Variants in CTTNBP2 observed in about 807,000 individuals in gnomAD.
CTTNBP2 encodes cortactin-binding protein 2.
CTTNBP2 carries 108 observed loss-of-function variants against 156.9 expected under a neutral mutation model. That is an observed-to-expected ratio of 0.69 (90% confidence interval 0.59 to 0.81). The LOEUF (loss-of-function observed/expected upper bound fraction) is 0.81, where lower values mean the gene tolerates loss of function less well. CTTNBP2 is among the 30% of genes least tolerant of loss of function. The pLI, the probability that CTTNBP2 is intolerant of heterozygous loss-of-function variation, is 0.00. For missense variants in CTTNBP2, 1,924 were observed against 2,035.4 expected (o/e 0.95, Z 1.05); for synonymous variants, 767 against 751.8 (o/e 1.02, Z -0.33).
At chr7:117,761,560 A>G (rs537404706) in intron 9 of CTTNBP2, among the ~76,000 whole-genome samples, 10 of 152,332 alleles carry the variant, frequency 6.6e-5, no homozygotes, top group Admixed American at 1.3e-4. Flanking sequence ...TACTGTTCCT[A>G]TGAAAACTAA....
intron 12 of CTTNBP2, among the ~76,000 whole-genome samples, chr7:117,752,985 C>G (rs917499486): frequency 2.6e-5 from 4 of 152,076 alleles, no homozygotes; most frequent in Admixed American, 1.3e-4. Flanking sequence ...ACCTACAGAA[C>G]AGGAGAACAT....
chr7:117,748,921 C>T (rs1024798807), intron 12 of CTTNBP2, among the ~76,000 whole-genome samples: 2 of 152,188 alleles, frequency 1.3e-5, no homozygotes, highest in African/African-American at 4.8e-5. Context: ...GAACCCCTTG[C>T]CCCTTCCACC....
At chr7:117,835,367 C>T (rs1801864771) in intron 2 of CTTNBP2, among the ~76,000 whole-genome samples, 1 of 152,222 alleles carries the variant, frequency 6.6e-6, no homozygotes, top group Admixed American at 6.5e-5. Context: ...TGTGACCCAA[C>T]TTAATGTGTA....
At chr7:117,789,953 T>C (rs989954308) in intron 4 of CTTNBP2, among the ~76,000 whole-genome samples, 3 of 152,210 alleles carry the variant, frequency 2.0e-5, no homozygotes, top group South Asian at 2.1e-4. Context: ...TTCAAGTTGA[T>C]AGCTTATAAT....
intron 8 of CTTNBP2, among the ~76,000 whole-genome samples, chr7:117,768,450 C>T (rs950581339): frequency 6.6e-6 from 1 of 150,896 alleles, no homozygotes; most frequent in Non-Finnish European, 1.5e-5. Flanking sequence ...CCTGTAATCC[C>T]AGCTACCCCG....
At chr7:117,872,155 G>T in intron 1 of CTTNBP2, 1 of 160,330 alleles carries the variant, frequency 6.2e-6, no homozygotes, top group Non-Finnish European at 1.3e-5. Context: ...TCCTTCCATT[G>T]CCAGGCTCAG....
chr7:117,846,586 T>C (rs966839312), intron 2 of CTTNBP2, among the ~76,000 whole-genome samples: 2 of 151,884 alleles, frequency 1.3e-5, no homozygotes, highest in Non-Finnish European at 2.9e-5. Flanking sequence ...AAAAAAGAAA[T>C]ATACTTTAAA....
rs1220282050 is a variant in CTTNBP2, at chr7:117,819,389, A to T, written c.190-8400T>A. 9.8e-3 allele frequency among the ~76,000 whole-genome samples: 1,481 copies of T among 151,034 alleles called. 46 individuals carry two copies. Among genetic ancestry groups the T allele is most frequent in the African/African-American group, 0.033 (1,342 of 40,978 alleles). ...CTCTCACACACACACACACACACAC[A>T]CACACACACACACACACACACACAC... On this transcript the variant is annotated intron_variant, in intron 2 of 22. Coordinates refer to ENST00000160373, the MANE Select transcript of CTTNBP2 (RefSeq NM_033427.3).
chr7:117,746,856 T>C (rs1796358451), intron 12 of CTTNBP2, among the ~76,000 whole-genome samples: 1 of 152,250 alleles, frequency 6.6e-6, no homozygotes. Flanking sequence ...TATGCTTATA[T>C]ATATTTTTTA....
Position 117,760,571 on chromosome 7 carries a change from T to C in CTTNBP2, c.3036A>G (p.Ala1012=), listed in dbSNP as rs1253924797. The C allele has an allele frequency of 6.2e-7, 1 of 1,614,210 alleles. No homozygotes were observed. The highest frequency in any genetic ancestry group is 2.2e-5 in the East Asian group (1 of 44,886). The change falls in exon 10 of 23, where the codon GCA becomes GCG. Residue 1012 remains alanine, a synonymous_variant. Transcript: ENST00000160373. ...KQTSWDDFSK[A]VSQALTNHFQ... ...AATGATTTGTCAGAGCTTGACTCAC[T>C]GCTTTTGAAAAATCATCCCATGATG...
At chr7:117,753,493 T>C (rs996550987) in intron 12 of CTTNBP2, among the ~76,000 whole-genome samples, 5 of 152,150 alleles carry the variant, frequency 3.3e-5, no homozygotes, top group African/African-American at 9.7e-5. Context: ...AGCAATGACA[T>C]GGAATCAATC....
At chr7:117,833,530 T>C (rs1801747272) in intron 2 of CTTNBP2, among the ~76,000 whole-genome samples, 1 of 152,188 alleles carries the variant, frequency 6.6e-6, no homozygotes. Context: ...GTGAGCTGCA[T>C]CCATCCTTCA....
chr7:117,711,151 T>A lies in CTTNBP2; in HGVS notation c.*386A>T, dbSNP rs1794031257. The A allele has an allele frequency of 6.5e-6, 1 of 154,800 alleles. No individual in the cohort carries two copies. The allele number at this position is 154,800 out of a possible 1,614,324, so 9.6% of individuals were successfully genotyped here. On this transcript the variant is annotated 3_prime_UTR_variant, in exon 23 of 23. Coordinates refer to ENST00000160373, the MANE Select transcript of CTTNBP2 (RefSeq NM_033427.3). ...GCCAACTTTGTACTTTTTTGCTACTTTTTTGTAGCATGTATGCAGTATGAT... is the reference window on the plus strand; with the variant it reads ...GCCAACTTTGTACTTTTTTGCTACTATTTTGTAGCATGTATGCAGTATGAT...
At chr7:117,730,379 A>G (rs978643253) in intron 16 of CTTNBP2, among the ~76,000 whole-genome samples, 3 of 152,174 alleles carry the variant, frequency 2.0e-5, no homozygotes, top group Non-Finnish European at 2.9e-5. Context: ...CACAGCACAT[A>G]TTAGCCACCT....
At chr7:117,812,479 C>G (rs990695280) in intron 2 of CTTNBP2, among the ~76,000 whole-genome samples, 3 of 151,786 alleles carry the variant, frequency 2.0e-5, no homozygotes, top group Non-Finnish European at 4.4e-5. Flanking sequence ...TAGATAAACA[C>G]AAATCTAATG....
At chr7:117,855,752 G>T (rs1192479368) in intron 2 of CTTNBP2, among the ~76,000 whole-genome samples, 5 of 152,206 alleles carry the variant, frequency 3.3e-5, no homozygotes, top group African/African-American at 1.2e-4. Flanking sequence ...TGAAAAGGAA[G>T]ATCATTCTAG....
intron 12 of CTTNBP2, among the ~76,000 whole-genome samples, chr7:117,751,520 A>G (rs781283403): frequency 1.4e-4 from 21 of 152,226 alleles, no homozygotes; most frequent in Non-Finnish European, 1.5e-4. Context: ...TGATGGCACA[A>G]TTACGGTCTA....
chr7:117,832,405 C>T (rs892139740), intron 2 of CTTNBP2, among the ~76,000 whole-genome samples: 8 of 152,114 alleles, frequency 5.3e-5, no homozygotes, highest in African/African-American at 1.7e-4. Flanking sequence ...TGCCCTAAAA[C>T]GTAGGTCTAA....
At chr7:117,847,939 C>T (rs949054800) in intron 2 of CTTNBP2, among the ~76,000 whole-genome samples, 10 of 150,876 alleles carry the variant, frequency 6.6e-5, no homozygotes, top group African/African-American at 2.4e-4. Context: ...CTGCCTCAGC[C>T]TCCCGACTAG....
Sources: allele counts gnomAD v4.1 joint callset (sites outside exome capture counted in the v4.1 genomes callset), GRCh38; gene constraint gnomAD v4.1.1; transcripts MANE v1.5; gene names NCBI Gene and HGNC (gene_info 2026-07-23, HGNC 2026-07-21).